DNAH11: variants seen among roughly 807,000 people sequenced by gnomAD.
The protein encoded by DNAH11 is dynein axonemal heavy chain 11.
Under a neutral mutation model 526.0 loss-of-function variants are expected in DNAH11, and 442 were observed. That is an observed-to-expected ratio of 0.84 (90% CI 0.78 to 0.91). The LOEUF (loss-of-function observed/expected upper bound fraction) is 0.91. Ranked by LOEUF, DNAH11 falls within the 40% of genes least tolerant of loss-of-function variation. The pLI is 0.00. For synonymous variants in DNAH11, 2,461 were observed against 1,935.9 expected (o/e 1.27, Z -7.12); for missense variants, 6,989 against 5,448.7 (o/e 1.28, Z -8.90).
chr7:21,690,940 G>A (rs1466619847), intron 35 of DNAH11, 59 bp downstream of exon 35: 1 of 1,271,298 alleles, frequency 7.9e-7, no homozygotes, highest in Non-Finnish European at 1.1e-6. Context: ...AATGTTGTTG[G>A]TTTGCACTGT....
intron 6 of DNAH11, among the ~76,000 whole-genome samples, chr7:21,569,721 G>A (rs140841345): frequency 1.8e-4 from 27 of 152,168 alleles, no homozygotes; most frequent in South Asian, 6.2e-4. Context: ...TGTCTGCCTC[G>A]TATATTCTTT....
chr7:21,693,018 C>T (rs151129159), intron 35 of DNAH11, among the ~76,000 whole-genome samples: 22 of 152,290 alleles, frequency 1.4e-4, no homozygotes, highest in African/African-American at 4.8e-4. Flanking sequence ...TAGATACATA[C>T]ATTGCAAATA....
intron 43 of DNAH11, among the ~76,000 whole-genome samples, chr7:21,718,992 C>T (rs1784776802): frequency 6.6e-6 from 1 of 151,896 alleles, no homozygotes; most frequent in Admixed American, 6.6e-5. Flanking sequence ...AATTAGACTC[C>T]CTCTGGTGTA....
At chr7:21,765,369 T>A in intron 54 of DNAH11, 59 bp from the exon 55 acceptor site, 1 of 1,608,408 alleles carries the variant, frequency 6.2e-7, no homozygotes, top group Non-Finnish European at 8.5e-7. Context: ...AAGATTGCAA[T>A]GTAATTCTCT....
chr7:21,724,472 A>G (rs1784997507), intron 44 of DNAH11, among the ~76,000 whole-genome samples: 1 of 152,250 alleles, frequency 6.6e-6, no homozygotes, highest in Non-Finnish European at 1.5e-5. Flanking sequence ...GGGAAAAATC[A>G]CGGTTGAAGT....
chr7:21,755,053 G>T (rs1786569098), intron 54 of DNAH11, among the ~76,000 whole-genome samples: 1 of 152,110 alleles, frequency 6.6e-6, no homozygotes, highest in Admixed American at 6.5e-5. Flanking sequence ...CAGGGGGTTG[G>T]TGAACACACC....
chr7:21,847,781 A>G (rs1365597734), intron 66 of DNAH11, among the ~76,000 whole-genome samples: 1 of 152,144 alleles, frequency 6.6e-6, no homozygotes, highest in Non-Finnish European at 1.5e-5. Flanking sequence ...GTCCAGCTAT[A>G]ATTGTGGACT....
rs2128473019 is a variant in DNAH11, at chr7:21,683,748, A to G, written c.5461-36A>G. ...TAATAACTTGTTGCCCCAAACTACC[A>G]GTGTCCTGCGTATGATGATTATGCA... On this transcript the variant is annotated intron_variant, in intron 31 of 81. Transcript: ENST00000409508. The G allele has an allele frequency of 3.3e-6, 5 of 1,505,800 alleles. No homozygotes were observed. In the East Asian group the frequency reaches 1.2e-4, roughly 35 times the overall value. The allele number at this position is 1,505,800 out of a possible 1,614,324, so 93.3% of individuals were successfully genotyped here.
At chr7:21,848,595 C>T (rs1782508811) in intron 66 of DNAH11, among the ~76,000 whole-genome samples, 1 of 151,542 alleles carries the variant, frequency 6.6e-6, no homozygotes, top group Non-Finnish European at 1.5e-5. Context: ...TCTTTCTTAG[C>T]TATATATATT....
chr7:21,867,727 T>C, intron 71 of DNAH11, 132 bp from the exon 72 acceptor site: 1 of 749,838 alleles, frequency 1.3e-6, no homozygotes. Context: ...ATATTGTTAT[T>C]CTAACAAGAC....
intron 8 of DNAH11, among the ~76,000 whole-genome samples, chr7:21,576,460 ACT>A (rs1325255120): frequency 6.6e-6 from 1 of 152,024 alleles, no homozygotes; most frequent in African/African-American, 2.4e-5. Flanking sequence ...CTGACTCAAG[ACT>A]CTCTTGAAAG....
chr7:21,731,735 T>A (rs541154896), intron 45 of DNAH11, among the ~76,000 whole-genome samples: 1 of 152,334 alleles, frequency 6.6e-6, no homozygotes, highest in South Asian at 2.1e-4. Context: ...AATTGCACAC[T>A]GATCTGAGTA....
intron 50 of DNAH11, 57 bp downstream of exon 50, chr7:21,744,656 A>G (rs576091719): frequency 4.4e-6 from 7 of 1,586,216 alleles, no homozygotes; most frequent in Non-Finnish European, 6.0e-6. Context: ...GGGTATTGGG[A>G]CTAAAGTTAG....
At chr7:21,819,040 C>G (rs1789938979) in intron 65 of DNAH11, among the ~76,000 whole-genome samples, 1 of 152,138 alleles carries the variant, frequency 6.6e-6, no homozygotes, top group South Asian at 2.1e-4. Context: ...AGGTCAGGTG[C>G]AGCAATTGTG....
At chr7:21,845,147 T>C (rs993620398) in intron 66 of DNAH11, among the ~76,000 whole-genome samples, 1 of 152,236 alleles carries the variant, frequency 6.6e-6, no homozygotes, top group East Asian at 1.9e-4. Context: ...ATGTGACTTA[T>C]AAAAATTTTC....
At chr7:21,622,501 C>T (rs1375362540) in intron 25 of DNAH11, among the ~76,000 whole-genome samples, 10 of 152,088 alleles carry the variant, frequency 6.6e-5, no homozygotes, top group Non-Finnish European at 1.5e-4. Flanking sequence ...AAAAAGACCC[C>T]GCATTGCCAA....
intron 61 of DNAH11, among the ~76,000 whole-genome samples, chr7:21,800,176 C>T (rs961826036): frequency 1.3e-5 from 2 of 152,186 alleles, no homozygotes; most frequent in African/African-American, 2.4e-5. Flanking sequence ...ACATCCCTTT[C>T]GTCCTTCTCT....
At chr7:21,884,521 C>T in intron 76 of DNAH11, 111 bp downstream of exon 76, 4 of 1,197,526 alleles carry the variant, frequency 3.3e-6, no homozygotes, top group Non-Finnish European at 4.5e-6. Context: ...ATTGAGGATG[C>T]TTGGCCTTTT....
At chr7:21,773,212 G>C (rs1284021989) in intron 55 of DNAH11, among the ~76,000 whole-genome samples, 3 of 151,982 alleles carry the variant, frequency 2.0e-5, no homozygotes, top group Non-Finnish European at 4.4e-5. Context: ...TCTTTTTGTG[G>C]GTTTTCTTTC....
Sources: allele counts gnomAD v4.1 joint callset (sites outside exome capture counted in the v4.1 genomes callset), GRCh38; gene constraint gnomAD v4.1.1; transcripts MANE v1.5; gene names NCBI Gene and HGNC (gene_info 2026-07-23, HGNC 2026-07-21).